Variants in BANK1 observed in about 807,000 individuals in gnomAD.
BANK1 encodes the protein B-cell scaffold protein with ankyrin repeats.
In BANK1, 95 loss-of-function variants were observed where a neutral mutation model predicts 94.5. That is an observed-to-expected ratio of 1.00 (90% CI 0.85 to 1.19). BANK1 has a LOEUF of 1.19. BANK1 is among the 50% of genes most tolerant of loss of function. The pLI is 0.00. For missense variants in BANK1, 987 were observed against 932.2 expected (o/e 1.06, Z -0.77); for synonymous variants, 334 against 308.4 (o/e 1.08, Z -0.87).
At chr4:101,884,469 TA>T (rs1728778550) in intron 5 of BANK1, among the ~76,000 whole-genome samples, 1 of 152,206 alleles carries the variant, frequency 6.6e-6, no homozygotes, top group African/African-American at 2.4e-5. Flanking sequence ...ACCTATAAAA[TA>T]AAGTTACTAA....
At chr4:101,811,665 C>T (rs1478624584) in intron 1 of BANK1, among the ~76,000 whole-genome samples, 1 of 152,062 alleles carries the variant, frequency 6.6e-6, no homozygotes, top group African/African-American at 2.4e-5. Flanking sequence ...AAATCAGGGC[C>T]ATTTGTCAAA....
chr4:101,917,396 T>C (rs759664734), intron 6 of BANK1, among the ~76,000 whole-genome samples: 11 of 152,004 alleles, frequency 7.2e-5, no homozygotes, highest in Non-Finnish European at 1.5e-4. Context: ...TTAATAATTA[T>C]GAAAAATCAA....
At chr4:101,831,573 A>G (rs982202984) in intron 2 of BANK1, among the ~76,000 whole-genome samples, 3 of 152,060 alleles carry the variant, frequency 2.0e-5, no homozygotes, top group Non-Finnish European at 4.4e-5. Flanking sequence ...CTCCCAGGCT[A>G]AAGCAATTCT....
rs186451652 is a variant in BANK1 at position 102,046,850 on chromosome 4, A to G, written c.1969+2943A>G. On this transcript the variant is annotated intron_variant, in intron 11 of 16. Transcript: ENST00000322953. ...TTGTCTGACAATAAGGCCTTATTCA[A>G]TGTTCAAAAATGAAAAACATTAAAG... Among the ~76,000 whole-genome samples the G allele has an allele frequency of 6.6e-5, 10 of 152,260 alleles. No individual in the cohort carries two copies. The East Asian group carries it at 1.3e-3, about 21-fold the overall frequency.
chr4:101,879,446 T>G (rs1457026999), intron 5 of BANK1, among the ~76,000 whole-genome samples: 2 of 151,968 alleles, frequency 1.3e-5, no homozygotes, highest in Non-Finnish European at 2.9e-5. Flanking sequence ...GTAACTAAAT[T>G]GAAGCCTAAA....
At chr4:101,800,154 A>T in intron 1 of BANK1, among the ~76,000 whole-genome samples, 1 of 106,768 alleles carries the variant, frequency 9.4e-6, no homozygotes. Flanking sequence ...GGGGGGAGGG[A>T]TAGCATTAGG....
chr4:101,801,380 C>T (rs1725351063), intron 1 of BANK1, among the ~76,000 whole-genome samples: 2 of 151,874 alleles, frequency 1.3e-5, no homozygotes, highest in African/African-American at 2.4e-5. Flanking sequence ...ACATATGTGC[C>T]GTGCATTTGT....
intron 1 of BANK1, among the ~76,000 whole-genome samples, chr4:101,804,029 A>C (rs868792944): frequency 7.6e-6 from 1 of 131,684 alleles, no homozygotes; most frequent in Non-Finnish European, 1.7e-5. Flanking sequence ...AAAAAAAGAA[A>C]TATATAAAAA....
At chr4:101,804,916 A>T (rs6833249) in intron 1 of BANK1, among the ~76,000 whole-genome samples, 1 of 152,096 alleles carries the variant, frequency 6.6e-6, no homozygotes, top group African/African-American at 2.4e-5. Context: ...TCGTTCAAGC[A>T]TCAATTGTGT....
chr4:101,960,696 T>C (rs1724536158), intron 7 of BANK1, among the ~76,000 whole-genome samples: 1 of 152,204 alleles, frequency 6.6e-6, no homozygotes, highest in Non-Finnish European at 1.5e-5. Context: ...TTCGTCTTGC[T>C]TTGCTCAGAC....
At chr4:101,853,153 C>G (rs538650968) in intron 2 of BANK1, among the ~76,000 whole-genome samples, 1 of 152,230 alleles carries the variant, frequency 6.6e-6, no homozygotes, top group South Asian at 2.1e-4. Flanking sequence ...TCATTTCAAA[C>G]AAGACTAGTA....
At chr4:102,007,228 A>G (rs965013023) in intron 7 of BANK1, among the ~76,000 whole-genome samples, 29 of 143,638 alleles carry the variant, frequency 2.0e-4, no homozygotes, top group Non-Finnish European at 3.1e-4. Context: ...TACCTGAAAA[A>G]AAATGAAAAT....
chr4:101,886,098 C>T (rs1728845438), intron 5 of BANK1, among the ~76,000 whole-genome samples: 1 of 152,196 alleles, frequency 6.6e-6, no homozygotes, highest in African/African-American at 2.4e-5. Context: ...TATTCTTATG[C>T]ATTACAAGGC....
intron 15 of BANK1, among the ~76,000 whole-genome samples, chr4:102,072,724 A>G (rs1411346092): frequency 2.6e-5 from 4 of 152,238 alleles, no homozygotes; most frequent in African/African-American, 4.8e-5. Flanking sequence ...CTGTGTTTGA[A>G]TCACAATGTA....
At chr4:101,982,916 G>A (rs1725369267) in intron 7 of BANK1, among the ~76,000 whole-genome samples, 1 of 151,872 alleles carries the variant, frequency 6.6e-6, no homozygotes, top group Admixed American at 6.6e-5. Flanking sequence ...CCAAGATTAT[G>A]TAGAAGCTTT....
chr4:101,791,038 A>C, intron 1 of BANK1, 88 bp downstream of exon 1: 1 of 1,092,374 alleles, frequency 9.2e-7, no homozygotes, highest in Non-Finnish European at 1.3e-6. Flanking sequence ...AGACAACTGC[A>C]CTCGGGCACT....
chr4:101,823,351 A>T (rs1726245045), intron 1 of BANK1, among the ~76,000 whole-genome samples: 1 of 152,216 alleles, frequency 6.6e-6, no homozygotes, highest in African/African-American at 2.4e-5. Context: ...TATTTTATGA[A>T]TATATATACT....
At position 101,983,454 on chromosome 4, in the gene BANK1, A is replaced by C. The variant is rs150812524; in HGVS notation, c.1207-38060A>C. Among the ~76,000 whole-genome samples, 174 of 152,188 alleles carry C rather than the reference A, an allele frequency of 1.1e-3. 1 individual carries two copies. Among genetic ancestry groups the C allele is most frequent in the Admixed American group, 9.6e-3 (146 of 15,242 alleles). Reference sequence around the variant, plus strand: ...TCCTTAATTTCCTCATCCATAAAACAGTCTCTTCCACAATTTGTTCAAAAC... The same window carrying C: ...TCCTTAATTTCCTCATCCATAAAACCGTCTCTTCCACAATTTGTTCAAAAC... On this transcript the variant is annotated intron_variant, in intron 7 of 16. Coordinates refer to ENST00000322953, the MANE Select transcript of BANK1 (RefSeq NM_017935.5).
At chr4:101,796,515 G>A (rs1228344329) in intron 1 of BANK1, among the ~76,000 whole-genome samples, 1 of 152,100 alleles carries the variant, frequency 6.6e-6, no homozygotes, top group Non-Finnish European at 1.5e-5. Flanking sequence ...GAGTAAGTCT[G>A]GTGGTCCTGC....
Sources: gnomAD v4.1 joint callset for allele counts (sites outside exome capture counted in the v4.1 genomes callset) on GRCh38, gnomAD v4.1.1 for gene constraint, MANE v1.5 for transcripts, NCBI Gene and HGNC (gene_info 2026-07-23, HGNC 2026-07-21) for gene names.